Variants in SCGN observed in about 807,000 individuals in gnomAD.
The protein encoded by SCGN is secretagogin.
Under a neutral mutation model 39.7 loss-of-function variants are expected in SCGN, and 30 were observed. That is an observed-to-expected ratio of 0.76 (90% CI 0.57 to 1.03). SCGN has a LOEUF of 1.03. Ranked by LOEUF, SCGN falls within the 50% of genes least tolerant of loss-of-function variation. SCGN has a pLI of 0.00. For missense variants in SCGN, 353 were observed against 349.4 expected (o/e 1.01, Z -0.08); for synonymous variants, 106 against 114.1 (o/e 0.93, Z 0.45).
intron 6 of SCGN, among the ~76,000 whole-genome samples, chr6:25,671,321 T>C (rs1352081230): frequency 6.6e-6 from 1 of 152,228 alleles, no homozygotes; most frequent in Non-Finnish European, 1.5e-5. Flanking sequence ...AGAAAAAGCG[T>C]TCCATAGCTA....
At position 25,701,485 on chromosome 6, in the gene SCGN, C is replaced by A; in HGVS notation, c.*150C>A. 1 of 923,046 alleles carries A rather than the reference C, an allele frequency of 1.1e-6. No individual in the cohort carries two copies. Among genetic ancestry groups the A allele is most frequent in the Non-Finnish European group, 1.6e-6 (1 of 617,828 alleles). The allele number at this position is 923,046 out of a possible 1,614,324, so 57.2% of individuals were successfully genotyped here. On this transcript the variant is annotated 3_prime_UTR_variant, in exon 11 of 11. Transcript: ENST00000377961. ...GAACAGGGACGCTAGGGCCTTCCTT[C>A]CACCGGCGTGATCTATCCCTGTCTC...
intron 7 of SCGN, among the ~76,000 whole-genome samples, chr6:25,684,031 G>A (rs1759670792): frequency 6.6e-6 from 1 of 152,190 alleles, no homozygotes; most frequent in South Asian, 2.1e-4. Context: ...TCCATGCAAT[G>A]CCAGAAACCT....
chr6:25,652,494 A>C lies in SCGN; in HGVS notation c.82+9A>C. 6.2e-7 allele frequency: 1 copy of C among 1,613,476 alleles called. No homozygotes were observed. Among genetic ancestry groups the C allele is most frequent in the Admixed American group, 1.7e-5 (1 of 60,028 alleles). ...GCGCTTTGATGCGGATGGTGAGTAG[A>C]ACAAGCCACTTGCACACTCAGGTGT... is the stretch of plus-strand genomic sequence containing the variant. On this transcript the variant is annotated intron_variant, in intron 1 of 10. Coordinates refer to ENST00000377961, the MANE Select transcript of SCGN (RefSeq NM_006998.4).
chr6:25,694,215 T>A (rs552903693), intron 10 of SCGN, among the ~76,000 whole-genome samples: 2 of 152,344 alleles, frequency 1.3e-5, no homozygotes, highest in African/African-American at 2.4e-5. Flanking sequence ...TAAAAAGTCA[T>A]GATTTTTGAA....
intron 2 of SCGN, among the ~76,000 whole-genome samples, chr6:25,657,363 T>A (rs1760245875): frequency 6.6e-6 from 1 of 152,154 alleles, no homozygotes; most frequent in Non-Finnish European, 1.5e-5. Flanking sequence ...CAACATGCCA[T>A]TTAAACCTCC....
rs528010676 is a variant in SCGN at position 25,687,390 on chromosome 6, A to G, written c.528-1782A>G. Reference sequence around the variant, plus strand: ...AATGTTTTGTAGTTTTCGGTCTACAAACTAAACCACTTTTGTTAAATTTAT... The same window carrying G: ...AATGTTTTGTAGTTTTCGGTCTACAGACTAAACCACTTTTGTTAAATTTAT... On this transcript the variant is annotated intron_variant, in intron 7 of 10. Coordinates refer to ENST00000377961, the MANE Select transcript of SCGN (RefSeq NM_006998.4). Among the ~76,000 whole-genome samples, 3 of 152,276 alleles carry G rather than the reference A, an allele frequency of 2.0e-5. No homozygotes were observed. The East Asian group carries it at 5.8e-4, about 29-fold the overall frequency.
At chr6:25,693,805 G>A (rs960969587) in intron 10 of SCGN, among the ~76,000 whole-genome samples, 2 of 152,144 alleles carry the variant, frequency 1.3e-5, no homozygotes, top group East Asian at 3.9e-4. Flanking sequence ...ATGAGAATTC[G>A]AGCTAAGAAT....
intron 10 of SCGN, among the ~76,000 whole-genome samples, chr6:25,693,451 CAAA>C (rs11376402): frequency 3.5e-4 from 17 of 48,418 alleles, no homozygotes; most frequent in African/African-American, 7.9e-4. Context: ...GACTCCGTCT[CAAA>C]AAAAAAAAAA....
intron 2 of SCGN, among the ~76,000 whole-genome samples, chr6:25,656,294 C>A (rs1211656780): frequency 6.6e-6 from 1 of 152,184 alleles, no homozygotes. Flanking sequence ...GGTAAGCCAA[C>A]CTTCAGAGGC....
chr6:25,658,400 G>A (rs563772292), intron 2 of SCGN, among the ~76,000 whole-genome samples: 37 of 151,634 alleles, frequency 2.4e-4, no homozygotes, highest in Non-Finnish European at 4.6e-4. Context: ...CACCATATGA[G>A]TATGTTTGGT....
intron 7 of SCGN, among the ~76,000 whole-genome samples, chr6:25,688,920 G>A (rs539423030): frequency 1.3e-5 from 2 of 152,144 alleles, no homozygotes; most frequent in East Asian, 3.9e-4. Context: ...TTATGGAGGA[G>A]CGAATTTCCA....
intron 3 of SCGN, among the ~76,000 whole-genome samples, chr6:25,663,459 A>T (rs1272352473): frequency 2.0e-5 from 3 of 152,182 alleles, no homozygotes; most frequent in African/African-American, 7.2e-5. Flanking sequence ...GGCAGTTATC[A>T]TTTGTTGACT....
intron 6 of SCGN, among the ~76,000 whole-genome samples, chr6:25,679,564 G>A (rs1199651020): frequency 6.6e-6 from 1 of 152,160 alleles, no homozygotes; most frequent in Non-Finnish European, 1.5e-5. Flanking sequence ...TGGAGCTCAG[G>A]CTGTGACCAA....
rs142442043 is a variant in SCGN, at chr6:25,677,559, A to T, written c.472-4392A>T. On this transcript the variant is annotated intron_variant, in intron 6 of 10. Transcript: ENST00000377961. ...TTAAAAAAATAACTGCTAAAGAATG[A>T]TTTCCAATAATTTATTAAATAAAAA... Among the ~76,000 whole-genome samples the T allele has an allele frequency of 3.1e-3, 479 of 152,322 alleles. 1 individual carries two copies. The highest frequency in any genetic ancestry group is 0.011 in the African/African-American group (448 of 41,578).
intron 9 of SCGN, among the ~76,000 whole-genome samples, 158 bp from the exon 10 acceptor site, chr6:25,690,898 A>T (rs759318051): frequency 5.3e-5 from 8 of 152,270 alleles, no homozygotes; most frequent in African/African-American, 1.4e-4. Context: ...CATGTGGAAC[A>T]TTCATGTCCT....
At chr6:25,691,755 G>A (rs1222844754) in intron 10 of SCGN, among the ~76,000 whole-genome samples, 1 of 152,072 alleles carries the variant, frequency 6.6e-6, no homozygotes, top group African/African-American at 2.4e-5. Flanking sequence ...GGATTGTGTC[G>A]ACAATGAATT....
At chr6:25,675,664 TCC>T (rs1319976803) in intron 6 of SCGN, among the ~76,000 whole-genome samples, 1 of 152,210 alleles carries the variant, frequency 6.6e-6, no homozygotes, top group East Asian at 1.9e-4. Flanking sequence ...TTTAAGCTTG[TCC>T]CCATCCATGA....
intron 3 of SCGN, among the ~76,000 whole-genome samples, chr6:25,663,900 C>A (rs914414229): frequency 5.9e-5 from 9 of 152,084 alleles, no homozygotes; most frequent in African/African-American, 2.2e-4. Flanking sequence ...CTAATTACAC[C>A]TAAATCCCTT....
chr6:25,669,565 C>T lies in SCGN; in HGVS notation c.391C>T (p.Arg131Cys), dbSNP rs766802301. Residue 131 changes from arginine to cysteine, a missense_variant and splice_region_variant, in exon 5 of 11, where the codon CGC becomes TGC. By Grantham distance (180) the Arg-to-Cys change is radical. Transcript: ENST00000377961. ...SSGFISAAEL[R>C]NFLRDLFLHH... is the part of the protein sequence containing the mutation. ...TGGCTTTATATCAGCTGCTGAGCTC[C>T]GCGTGAGTGTCACTGGGTGAAGGGT... The T allele has an allele frequency of 1.1e-5, 18 of 1,612,162 alleles. No individual in the cohort carries two copies. The highest frequency in any genetic ancestry group is 2.2e-5 in the South Asian group (2 of 91,034).
Sources: gnomAD v4.1 joint callset for allele counts (sites outside exome capture counted in the v4.1 genomes callset) on GRCh38, gnomAD v4.1.1 for gene constraint, MANE v1.5 for transcripts, NCBI Gene and HGNC (gene_info 2026-07-23, HGNC 2026-07-21) for gene names.